The following ZFAND3 variants were observed in gnomAD, a reference collection of about 807,000 sequenced individuals.
ZFAND3 encodes the protein zinc finger AN1-type containing 3.
A neutral mutation model predicts 29.6 loss-of-function variants in ZFAND3; 10 were observed. The observed-to-expected ratio is 0.34, with a 90% CI of 0.21 to 0.57. ZFAND3 has a LOEUF of 0.57. Ranked by LOEUF, ZFAND3 falls within the 20% of genes least tolerant of loss-of-function variation. The probability of loss-of-function intolerance (pLI) is 0.86; values close to 1 mark genes in which losing one functional copy is unlikely to be tolerated. For synonymous variants in ZFAND3, 128 were observed against 112.6 expected (o/e 1.14, Z -0.87); for missense variants, 230 against 304.5 (o/e 0.76, Z 1.82).
intron 5 of ZFAND3, among the ~76,000 whole-genome samples, chr6:38,144,198 T>TATATATATATATATA (rs1766035638): frequency 2.5e-5 from 1 of 40,260 alleles, no homozygotes; most frequent in African/African-American, 1.4e-4. Context: ...TATATATATA[T>TATATATATATATATA]ATATATATAT....
At chr6:37,832,170 C>T (rs1437942566) in intron 1 of ZFAND3, among the ~76,000 whole-genome samples, 2 of 151,974 alleles carry the variant, frequency 1.3e-5, no homozygotes, top group Non-Finnish European at 2.9e-5. Flanking sequence ...ATAAAGTAAC[C>T]CTGGGAGAAG....
At chr6:37,933,753 GT>G (rs986571587) in intron 2 of ZFAND3, among the ~76,000 whole-genome samples, 6 of 152,054 alleles carry the variant, frequency 3.9e-5, no homozygotes, top group Non-Finnish European at 5.9e-5. Context: ...AATGAGAGAG[GT>G]TTTTTTGTTT....
At chr6:37,871,277 A>C (rs2127388136) in intron 1 of ZFAND3, among the ~76,000 whole-genome samples, 1 of 152,112 alleles carries the variant, frequency 6.6e-6, no homozygotes, top group South Asian at 2.1e-4. Flanking sequence ...TATTTTGGTT[A>C]TTGTAATTTT....
chr6:38,124,243 C>T (rs1430055823), intron 5 of ZFAND3, among the ~76,000 whole-genome samples: 1 of 152,270 alleles, frequency 6.6e-6, no homozygotes, highest in African/African-American at 2.4e-5. Context: ...CCCCACTAGA[C>T]TCAGGAGCCC....
chr6:38,038,948 TGAGAAGTAAAACTACGGAG>T (rs905545509), intron 2 of ZFAND3, among the ~76,000 whole-genome samples: 1 of 152,228 alleles, frequency 6.6e-6, no homozygotes, highest in African/African-American at 2.4e-5. Context: ...GTTTTGCTTT[TGAGAAGTAAAACTACGGAG>T]GTTGAAGTAA....
At chr6:37,940,671 A>G (rs1761795592) in intron 2 of ZFAND3, among the ~76,000 whole-genome samples, 1 of 152,256 alleles carries the variant, frequency 6.6e-6, no homozygotes, top group Admixed American at 6.5e-5. Context: ...GCAGAAGGCC[A>G]AGCAAGAACT....
At chr6:38,065,766 T>C (rs866151272) in intron 3 of ZFAND3, among the ~76,000 whole-genome samples, 2 of 152,186 alleles carry the variant, frequency 1.3e-5, no homozygotes, top group Non-Finnish European at 2.9e-5. Context: ...ATTATGAAAA[T>C]GCTACCGAGG....
intron 5 of ZFAND3, among the ~76,000 whole-genome samples, chr6:38,124,469 G>T (rs895754813): frequency 6.6e-6 from 1 of 152,180 alleles, no homozygotes; most frequent in East Asian, 1.9e-4. Flanking sequence ...TGCAGGTCCT[G>T]AGCCCTGCCC....
chr6:37,966,428 T>C (rs1035856641), intron 2 of ZFAND3, among the ~76,000 whole-genome samples: 2 of 152,192 alleles, frequency 1.3e-5, no homozygotes, highest in Admixed American at 6.5e-5. Context: ...CACTTAATTC[T>C]CACCACAGGT....
Position 37,819,892 on chromosome 6 carries a change from G to C in ZFAND3, c.-54G>C, listed in dbSNP as rs1425833190. 7 of 1,157,018 alleles carry C rather than the reference G, an allele frequency of 6.1e-6. No homozygotes were observed. Among genetic ancestry groups the C allele is most frequent in the African/African-American group, 1.6e-5 (1 of 61,468 alleles). 71.7% of individuals were successfully genotyped at this position (1,157,018 alleles called of 1,614,324 possible). ...CCACCGCCTCCTCAGAGCGGGGCCC[G>C]GGCCCAGCCGCCGCCACCGCTGCCG... On this transcript the variant is annotated 5_prime_UTR_variant, in exon 1 of 6. Coordinates refer to ENST00000287218, the MANE Select transcript of ZFAND3 (RefSeq NM_021943.3).
rs1581748197 is a variant in ZFAND3, at chr6:37,903,023, C to T, written c.72-26936C>T. On this transcript the variant is annotated intron_variant, in intron 1 of 5. Transcript: ENST00000287218. ...TTGGCAAAGCATGTCAAGCTGTGTG[C>T]AGTAATTTAGGATGGATCCTTACAC... Among the ~76,000 whole-genome samples, 3 of 152,148 alleles carry T rather than the reference C, an allele frequency of 2.0e-5. No homozygotes were observed. The Middle Eastern group carries it at 0.01, about 518-fold the overall frequency.
At chr6:38,089,141 A>G (rs1561994742) in intron 4 of ZFAND3, among the ~76,000 whole-genome samples, 1 of 151,908 alleles carries the variant, frequency 6.6e-6, no homozygotes, top group Non-Finnish European at 1.5e-5. Flanking sequence ...TTGAGATAGA[A>G]TCTTGCTTTG....
chr6:37,831,849 A>G (rs750863946), intron 1 of ZFAND3, among the ~76,000 whole-genome samples: 7 of 152,234 alleles, frequency 4.6e-5, no homozygotes, highest in Non-Finnish European at 8.8e-5. Flanking sequence ...AGCAGGGGCC[A>G]GTTATGAAGA....
rs562412836 is a variant in ZFAND3, at chr6:37,969,812, A to T, written c.112+39813A>T. On this transcript the variant is annotated intron_variant, in intron 2 of 5. Coordinates refer to ENST00000287218, the MANE Select transcript of ZFAND3 (RefSeq NM_021943.3). The stretch of plus-strand genomic sequence containing the variant: ...AGATTTGAGTATTTGGGAGATACTT[A>T]CTCCCTAAAAATCTGAGGGAAACTG... 2.8e-3 allele frequency among the ~76,000 whole-genome samples: 431 copies of T among 152,150 alleles called. 2 individuals carry two copies. The highest frequency in any genetic ancestry group is 9.9e-3 in the African/African-American group (409 of 41,500).
At chr6:38,061,241 T>C (rs1764233412) in intron 2 of ZFAND3, among the ~76,000 whole-genome samples, 1 of 152,236 alleles carries the variant, frequency 6.6e-6, no homozygotes, top group Non-Finnish European at 1.5e-5. Flanking sequence ...CTGCTGCCTT[T>C]TTCCTTATGA....
chr6:37,838,531 TC>T (rs1416900493), intron 1 of ZFAND3, among the ~76,000 whole-genome samples: 1 of 152,258 alleles, frequency 6.6e-6, no homozygotes, highest in African/African-American at 2.4e-5. Flanking sequence ...ACTTTCTGGT[TC>T]TATGGATTTG....
intron 1 of ZFAND3, among the ~76,000 whole-genome samples, chr6:37,906,349 A>G (rs551766406): frequency 1.3e-5 from 2 of 152,144 alleles, no homozygotes; most frequent in Non-Finnish European, 2.9e-5. Flanking sequence ...TGTTGTGTGT[A>G]TCTTACTGCA....
At chr6:37,967,306 GGCCTGT>G (rs1401899379) in intron 2 of ZFAND3, among the ~76,000 whole-genome samples, 18 of 152,096 alleles carry the variant, frequency 1.2e-4, no homozygotes, top group Admixed American at 1.1e-3. Flanking sequence ...TCCTAGATTT[GGCCTGT>G]AAGAGCCTCT....
intron 5 of ZFAND3, among the ~76,000 whole-genome samples, chr6:38,130,138 A>G (rs1581944079): frequency 6.6e-6 from 1 of 152,156 alleles, no homozygotes. Flanking sequence ...TTTGAGAGCT[A>G]CTGATTTGTG....
Sources: allele counts gnomAD v4.1 joint callset (sites outside exome capture counted in the v4.1 genomes callset), GRCh38; gene constraint gnomAD v4.1.1; transcripts MANE v1.5; gene names NCBI Gene and HGNC (gene_info 2026-07-23, HGNC 2026-07-21).